BABAM2: variants seen among roughly 807,000 people sequenced by gnomAD.
BABAM2 encodes BRISC and BRCA1-A complex member 2.
In BABAM2, 31 loss-of-function variants were observed where a neutral mutation model predicts 54.7. That is an observed-to-expected ratio of 0.57 (90% CI 0.43 to 0.77). The LOEUF (loss-of-function observed/expected upper bound fraction) is 0.77. Among genes scored for constraint, BABAM2 ranks in the 30% least tolerant of loss-of-function variants. The pLI, the probability that BABAM2 is intolerant of heterozygous loss-of-function variation, is 0.00. For missense variants in BABAM2, 364 were observed against 455.8 expected (o/e 0.80, Z 1.83); for synonymous variants, 167 against 162.9 (o/e 1.03, Z -0.19).
chr2:28,189,933 G>T (rs1213903537), intron 7 of BABAM2, among the ~76,000 whole-genome samples: 1 of 152,118 alleles, frequency 6.6e-6, no homozygotes, highest in Non-Finnish European at 1.5e-5. Context: ...TTGGCATAAA[G>T]AGAGAAAAAT....
At chr2:27,894,327 G>T (rs546895900) in intron 1 of BABAM2, among the ~76,000 whole-genome samples, 2 of 152,314 alleles carry the variant, frequency 1.3e-5, no homozygotes, top group South Asian at 4.1e-4. Flanking sequence ...TTCCTGAAAA[G>T]CAGTGATGTA....
At chr2:28,167,242 T>A (rs1369053029) in intron 7 of BABAM2, among the ~76,000 whole-genome samples, 1 of 152,188 alleles carries the variant, frequency 6.6e-6, no homozygotes, top group African/African-American at 2.4e-5. Context: ...GAAGTTTGCC[T>A]TTGTCTTCAA....
Position 27,894,657 on chromosome 2 carries a change from G to C in BABAM2, c.101G>C (p.Cys34Ser), listed in dbSNP as rs774724440. Reference sequence around the variant, plus strand: ...AAAGTGGGACTGGATGCTACAAACTGTTTGAGGATAACTGACTTAAAATCT... The same window carrying C: ...AAAGTGGGACTGGATGCTACAAACTCTTTGAGGATAACTGACTTAAAATCT... The part of the protein sequence containing the change: ...NGKVGLDATN[C>S]LRITDLKSGC... Residue 34 changes from cysteine to serine, a missense_variant, in exon 2 of 12, where the codon TGT (cysteine) becomes TCT (serine). By Grantham distance (112) the Cys-to-Ser change is moderately radical (BLOSUM62 -1). Coordinates refer to ENST00000379624, the MANE Select transcript of BABAM2 (RefSeq NM_199191.3). The C allele has an allele frequency of 1.2e-6, 2 of 1,614,138 alleles. No individual in the cohort carries two copies. Among genetic ancestry groups the C allele is most frequent in the Non-Finnish European group, 1.7e-6 (2 of 1,180,012 alleles).
chr2:28,234,612 A>G (rs1357982995), intron 7 of BABAM2, among the ~76,000 whole-genome samples: 1 of 152,200 alleles, frequency 6.6e-6, no homozygotes, highest in Admixed American at 6.5e-5. Context: ...TCAGAATTTT[A>G]TTATGCCAAG....
intron 7 of BABAM2, among the ~76,000 whole-genome samples, chr2:28,177,713 A>C (rs1675160608): frequency 1.3e-5 from 2 of 152,186 alleles, no homozygotes; most frequent in South Asian, 4.1e-4. Flanking sequence ...GGACAAAAAA[A>C]AAAAAATGAC....
At chr2:28,281,423 T>C (rs1686348098) in intron 10 of BABAM2, among the ~76,000 whole-genome samples, 1 of 152,168 alleles carries the variant, frequency 6.6e-6, no homozygotes, top group Admixed American at 6.5e-5. Context: ...TACATTCCCA[T>C]TCTGTTTATC....
intron 4 of BABAM2, among the ~76,000 whole-genome samples, chr2:28,010,836 A>G (rs1183135248): frequency 2.0e-5 from 3 of 152,186 alleles, no homozygotes; most frequent in Non-Finnish European, 4.4e-5. Flanking sequence ...ATATCCACAC[A>G]GGTTCACAAG....
intron 5 of BABAM2, among the ~76,000 whole-genome samples, chr2:28,032,596 T>C (rs577910522): frequency 2.6e-5 from 4 of 152,296 alleles, no homozygotes; most frequent in African/African-American, 9.6e-5. Flanking sequence ...TTTTAATGAT[T>C]TTTAGACATT....
intron 2 of BABAM2, among the ~76,000 whole-genome samples, chr2:27,915,097 T>C (rs868204899): frequency 6.6e-6 from 1 of 152,152 alleles, no homozygotes; most frequent in East Asian, 1.9e-4. Context: ...GAAAATTATT[T>C]TACTGCTCTG....
intron 7 of BABAM2, among the ~76,000 whole-genome samples, chr2:28,156,268 A>G (rs560590885): frequency 7.2e-5 from 11 of 152,324 alleles, no homozygotes; most frequent in African/African-American, 2.6e-4. Context: ...CCCTTCTACC[A>G]GACAGTTATG....
chr2:28,057,644 A>G (rs910972342), intron 6 of BABAM2, among the ~76,000 whole-genome samples: 1 of 152,184 alleles, frequency 6.6e-6, no homozygotes, highest in Non-Finnish European at 1.5e-5. Flanking sequence ...CAGCAGACCT[A>G]CAACTCAAAT....
intron 6 of BABAM2, among the ~76,000 whole-genome samples, chr2:28,046,183 G>C (rs1319737043): frequency 1.3e-5 from 2 of 152,166 alleles, no homozygotes; most frequent in African/African-American, 4.8e-5. Context: ...GGCCGGGCGC[G>C]GTGGCTCATG....
At chr2:28,194,138 T>A (rs1677240263) in intron 7 of BABAM2, among the ~76,000 whole-genome samples, 1 of 152,074 alleles carries the variant, frequency 6.6e-6, no homozygotes. Context: ...TTCGTGTGGC[T>A]GGAGTCAGAG....
chr2:28,169,515 A>G (rs1310736325), intron 7 of BABAM2, among the ~76,000 whole-genome samples: 1 of 152,084 alleles, frequency 6.6e-6, no homozygotes, highest in African/African-American at 2.4e-5. Flanking sequence ...GGTGGCTTAC[A>G]CCTGTAATCC....
intron 3 of BABAM2, 180 bp downstream of exon 3, chr2:27,930,088 A>C: frequency 1.7e-6 from 1 of 576,628 alleles, no homozygotes; most frequent in South Asian, 2.2e-5. Context: ...GGCAGTTGGC[A>C]GGGAATACGT....
In BABAM2 at chr2:28,101,134, A is replaced by G. The variant is rs193298215; in HGVS notation, c.571-28137A>G. Among the ~76,000 whole-genome samples, 13 of 152,312 alleles carry G rather than the reference A, an allele frequency of 8.5e-5. No homozygotes were observed. In the East Asian group the frequency reaches 2.5e-3, roughly 29 times the overall value. ...AACTTCTCATTTTATAGTTGAGGAA[A>G]TAGACTCATCCAGGTTTTAAATAAC... On this transcript the variant is annotated intron_variant, in intron 6 of 11. Transcript: ENST00000379624.
At chr2:27,949,708 T>G (rs922134411) in intron 3 of BABAM2, among the ~76,000 whole-genome samples, 1 of 152,178 alleles carries the variant, frequency 6.6e-6, no homozygotes, top group Admixed American at 6.5e-5. Context: ...TTCAACTGTT[T>G]AGATATTCTT....
At chr2:27,979,491 G>A (rs142564770) in intron 3 of BABAM2, among the ~76,000 whole-genome samples, 1 of 152,196 alleles carries the variant, frequency 6.6e-6, no homozygotes, top group African/African-American at 2.4e-5. Context: ...TAATGGGATT[G>A]CAGGGTTGAA....
chr2:28,209,421 T>C (rs563176608), intron 7 of BABAM2, among the ~76,000 whole-genome samples: 1 of 152,346 alleles, frequency 6.6e-6, no homozygotes, highest in Non-Finnish European at 1.5e-5. Context: ...CTTTGGACTT[T>C]AGCCTGATCT....
Sources: allele counts gnomAD v4.1 joint callset (sites outside exome capture counted in the v4.1 genomes callset), GRCh38; gene constraint gnomAD v4.1.1; transcripts MANE v1.5; gene names NCBI Gene and HGNC (gene_info 2026-07-23, HGNC 2026-07-21).